Variants in SLC25A48 observed in about 807,000 individuals in gnomAD.
SLC25A48 encodes solute carrier family 25 member 48, also known as CTC-321K16.1.
In SLC25A48, 29 loss-of-function variants were observed where a neutral mutation model predicts 32.2. The observed-to-expected ratio is 0.90, with a 90% confidence interval of 0.67 to 1.23. The LOEUF (loss-of-function observed/expected upper bound fraction) is 1.23. Among genes scored for constraint, SLC25A48 ranks in the 50% most tolerant of loss-of-function variants. The probability of loss-of-function intolerance (pLI) is 0.00; values close to 1 mark genes in which losing one functional copy is unlikely to be tolerated. For synonymous variants in SLC25A48, 164 were observed against 172.3 expected (o/e 0.95, Z 0.38); for missense variants, 399 against 422.7 (o/e 0.94, Z 0.49).
At chr5:135,680,426 T>C (rs549511955) in intron 3 of SLC25A48, among the ~76,000 whole-genome samples, 6 of 152,228 alleles carry the variant, frequency 3.9e-5, no homozygotes, top group Admixed American at 3.3e-4. Flanking sequence ...AATTTATGGA[T>C]GAATTTGTGA....
intron 4 of SLC25A48, among the ~76,000 whole-genome samples, chr5:135,815,783 C>T (rs1359186373): frequency 6.6e-6 from 1 of 152,162 alleles, no homozygotes; most frequent in African/African-American, 2.4e-5. Flanking sequence ...CTGTCACCTG[C>T]ATGTTCTTGC....
upstream of SLC25A48, among the ~76,000 whole-genome samples, chr5:135,834,450 T>C (rs776006572): frequency 2.0e-5 from 3 of 152,258 alleles, no homozygotes; most frequent in Non-Finnish European, 4.4e-5. Context: ...TTGCCGTCTC[T>C]GGATGGGCGG....
At chr5:135,625,197 G>C (rs1752417144) in intron 1 of SLC25A48, among the ~76,000 whole-genome samples, 1 of 152,188 alleles carries the variant, frequency 6.6e-6, no homozygotes, top group Non-Finnish European at 1.5e-5. Context: ...CGGTTAACCT[G>C]GTCCCTGAAG....
At chr5:135,795,194 G>T (rs920891858) in intron 3 of SLC25A48, among the ~76,000 whole-genome samples, 1 of 151,548 alleles carries the variant, frequency 6.6e-6, no homozygotes, top group African/African-American at 2.4e-5. Context: ...CCACCATGTG[G>T]TATTACTTCT....
chr5:135,614,439 T>C (rs1752141684), intron 1 of SLC25A48, among the ~76,000 whole-genome samples: 1 of 152,210 alleles, frequency 6.6e-6, no homozygotes, highest in African/African-American at 2.4e-5. Context: ...TAGCTAGGAC[T>C]ACCAGTACTG....
chr5:135,676,568 T>G (rs1753771787), intron 3 of SLC25A48, among the ~76,000 whole-genome samples: 1 of 151,998 alleles, frequency 6.6e-6, no homozygotes, highest in Admixed American at 6.5e-5. Context: ...TTATTTGGAA[T>G]CTTTCTTCTT....
intron 3 of SLC25A48, among the ~76,000 whole-genome samples, chr5:135,748,989 G>A (rs1018627697): frequency 6.6e-6 from 1 of 152,126 alleles, no homozygotes; most frequent in African/African-American, 2.4e-5. Context: ...ACAGTGCTGA[G>A]ATTACAGATG....
intron 3 of SLC25A48, among the ~76,000 whole-genome samples, chr5:135,672,561 C>T (rs1351745302): frequency 1.3e-5 from 2 of 152,158 alleles, no homozygotes; most frequent in Admixed American, 1.3e-4. Context: ...AGCTGCTAAT[C>T]AGTAAGACCA....
At chr5:135,660,240 A>C (rs994568424) in intron 3 of SLC25A48, among the ~76,000 whole-genome samples, 4 of 152,202 alleles carry the variant, frequency 2.6e-5, no homozygotes, top group African/African-American at 9.6e-5. Context: ...CCATGATAAC[A>C]TCTTGCAAAA....
intron 3 of SLC25A48, among the ~76,000 whole-genome samples, chr5:135,797,122 G>A (rs753778988): frequency 6.6e-6 from 1 of 151,646 alleles, no homozygotes; most frequent in Non-Finnish European, 1.5e-5. Flanking sequence ...AAATCACAGG[G>A]GTATGCACCA....
At chr5:135,829,192 T>C (rs1758142258) in intron 4 of SLC25A48, among the ~76,000 whole-genome samples, 1 of 152,184 alleles carries the variant, frequency 6.6e-6, no homozygotes, top group Non-Finnish European at 1.5e-5. Flanking sequence ...GCACTCAAAC[T>C]CCTCTGAGTC....
At chr5:135,815,193 C>T (rs2126654624) in intron 4 of SLC25A48, among the ~76,000 whole-genome samples, 1 of 152,264 alleles carries the variant, frequency 6.6e-6, no homozygotes, top group South Asian at 2.1e-4. Context: ...TGGTGGAAGA[C>T]CACTTTTCCA....
intron 3 of SLC25A48, among the ~76,000 whole-genome samples, chr5:135,694,061 C>T (rs990836785): frequency 4.6e-5 from 7 of 152,318 alleles, no homozygotes; most frequent in Non-Finnish European, 7.4e-5. Context: ...CCACCTTTTC[C>T]ACCCTGCCAG....
At chr5:135,814,514 C>G (rs1289504918) in intron 4 of SLC25A48, among the ~76,000 whole-genome samples, 2 of 152,152 alleles carry the variant, frequency 1.3e-5, no homozygotes, top group Non-Finnish European at 2.9e-5. Context: ...GTTACACAGA[C>G]AAAATATGAG....
At chr5:135,830,280 T>C (rs1445699335), upstream of SLC25A48, among the ~76,000 whole-genome samples, 1 of 152,156 alleles carries the variant, frequency 6.6e-6, no homozygotes, top group Non-Finnish European at 1.5e-5. Context: ...AGCAGCGCCC[T>C]CTCCTGGCGC....
At chr5:135,820,410 C>T (rs1757854445) in intron 4 of SLC25A48, among the ~76,000 whole-genome samples, 1 of 152,096 alleles carries the variant, frequency 6.6e-6, no homozygotes, top group African/African-American at 2.4e-5. Context: ...AGCAAGAGAG[C>T]AGATTACCTG....
chr5:135,858,495 G>T (rs1760518083), intron 4 of SLC25A48, among the ~76,000 whole-genome samples: 1 of 152,170 alleles, frequency 6.6e-6, no homozygotes, highest in African/African-American at 2.4e-5. Context: ...AACCCTAATT[G>T]TGTGCCAAAC....
intron 3 of SLC25A48, among the ~76,000 whole-genome samples, chr5:135,789,278 C>CG (rs1756953471): frequency 5.3e-5 from 3 of 56,512 alleles, no homozygotes; most frequent in African/African-American, 8.2e-5. Flanking sequence ...GGGTGTACAC[C>CG]CCCTGCCATA....
chr5:135,661,762 C>T (rs1753401945), intron 3 of SLC25A48, among the ~76,000 whole-genome samples: 1 of 152,178 alleles, frequency 6.6e-6, no homozygotes, highest in African/African-American at 2.4e-5. Context: ...TTGCTTTTCT[C>T]ACTTCAGAAT....
Sources: allele counts gnomAD v4.1 joint callset (sites outside exome capture counted in the v4.1 genomes callset), GRCh38; gene constraint gnomAD v4.1.1; transcripts MANE v1.5; gene names NCBI Gene and HGNC (gene_info 2026-07-23, HGNC 2026-07-21).